TNIP3: variants seen among roughly 807,000 people sequenced by gnomAD.
TNIP3 encodes TNFAIP3 interacting protein 3.
Under a neutral mutation model 54.1 loss-of-function variants are expected in TNIP3, and 34 were observed. The ratio of observed to expected loss-of-function variants is 0.63; its 90% CI spans 0.48 to 0.84. The LOEUF is 0.84. Among genes scored for constraint, TNIP3 ranks in the 40% least tolerant of loss-of-function variants. TNIP3 has a pLI of 0.00. For missense variants in TNIP3, 366 were observed against 387.6 expected (o/e 0.94, Z 0.47); for synonymous variants, 134 against 136.8 (o/e 0.98, Z 0.14).
upstream of TNIP3, chr4:121,164,451 C>T (rs1016294184): frequency 1.4e-5 from 9 of 641,760 alleles, no homozygotes; most frequent in African/African-American, 9.7e-5. Context: ...GTATGTAAAT[C>T]GTCATTCTTC....
chr4:121,154,583 G>T lies in TNIP3; in HGVS notation c.460C>A (p.His154Asn). Reference protein sequence around the residue: ...KNTLANKEKEHYECEIKRLNK... With the variant: ...KNTLANKEKENYECEIKRLNK... Reference sequence around the variant, plus strand: ...AGGCGTTTTATTTCACATTCGTAATGTTCCTTTTCCTTGTTCGCAAGAGTA... The same window carrying T: ...AGGCGTTTTATTTCACATTCGTAATTTTCCTTTTCCTTGTTCGCAAGAGTA... Residue 154 changes from histidine to asparagine, a missense_variant, in exon 5 of 11, where the codon CAT becomes AAT. By Grantham distance (68) the His-to-Asn change is moderately conservative. Coordinates refer to ENST00000057513, the MANE Select transcript of TNIP3 (RefSeq NM_024873.6). The T allele has an allele frequency of 6.2e-7, 1 of 1,613,848 alleles. No individual in the cohort carries two copies. The highest frequency in any genetic ancestry group is 8.5e-7 in the Non-Finnish European group (1 of 1,179,948).
At chr4:121,177,580 A>G (rs1253831602) in intron 3 of TNIP3, among the ~76,000 whole-genome samples, 4 of 152,214 alleles carry the variant, frequency 2.6e-5, no homozygotes, top group Non-Finnish European at 5.9e-5. Flanking sequence ...CATCCCATAA[A>G]GTCATAAAGA....
rs180727869 is a variant in TNIP3 at position 121,138,492 on chromosome 4, A to T, written c.946+132T>A. The stretch of plus-strand genomic sequence containing the variant: ...ATTTAACCCCAGGTGCATCAAATTA[A>T]AGTTATGTATGTAACACAACTTTAT... On this transcript the variant is annotated intron_variant, in intron 10 of 10. Coordinates refer to ENST00000057513, the MANE Select transcript of TNIP3 (RefSeq NM_024873.6). 6 of 800,498 alleles carry T rather than the reference A, an allele frequency of 7.5e-6. No homozygotes were observed. The Admixed American group carries it at 9.3e-5, about 12-fold the overall frequency. 49.6% of individuals were successfully genotyped at this position (800,498 alleles called of 1,614,324 possible).
upstream of TNIP3, among the ~76,000 whole-genome samples, chr4:121,220,206 TA>T (rs1726972122): frequency 6.6e-6 from 1 of 152,192 alleles, no homozygotes; most frequent in Non-Finnish European, 1.5e-5. Flanking sequence ...GACCTACAGG[TA>T]GGCAGTCAGT....
chr4:121,181,550 C>T (rs972785886), intron 3 of TNIP3, among the ~76,000 whole-genome samples: 5 of 151,948 alleles, frequency 3.3e-5, no homozygotes, highest in Admixed American at 6.6e-5. Flanking sequence ...CAACACTGTT[C>T]ATGACATGAA....
chr4:121,155,922 T>C (rs573227888), intron 4 of TNIP3, among the ~76,000 whole-genome samples: 2 of 152,332 alleles, frequency 1.3e-5, no homozygotes, highest in South Asian at 4.1e-4. Context: ...TTAAATAGAA[T>C]GAACATATAC....
intron 3 of TNIP3, among the ~76,000 whole-genome samples, chr4:121,173,797 T>A (rs1170875546): frequency 6.6e-6 from 1 of 152,068 alleles, no homozygotes; most frequent in Non-Finnish European, 1.5e-5. Context: ...CCCAGCTAAT[T>A]TTTTTGTAAT....
rs114246996 is a variant in TNIP3, at chr4:121,187,749, A to G, written c.69-4953T>C. On this transcript the variant is annotated intron_variant, in intron 2 of 12. Coordinates refer to the TNIP3 transcript ENST00000507879. Reference sequence around the variant, plus strand: ...TCTTTTATATTTTTGACCAAAGTCCATGGATGGGATTCAATCAAATTAAAT... The same window carrying G: ...TCTTTTATATTTTTGACCAAAGTCCGTGGATGGGATTCAATCAAATTAAAT... 8.1e-3 allele frequency among the ~76,000 whole-genome samples: 1,228 copies of G among 152,326 alleles called. 14 individuals are homozygous for G. Among genetic ancestry groups the G allele is most frequent in the African/African-American group, 0.029 (1,187 of 41,572 alleles).
chr4:121,137,749 G>C (rs994886011), intron 10 of TNIP3: 1 of 329,974 alleles, frequency 3.0e-6, no homozygotes, highest in Non-Finnish European at 6.0e-6. Context: ...CTTCAAACGA[G>C]ATCAAATTTC....
chr4:121,142,305 C>T (rs575335135), intron 8 of TNIP3, among the ~76,000 whole-genome samples: 4 of 152,218 alleles, frequency 2.6e-5, no homozygotes, highest in African/African-American at 9.6e-5. Context: ...GGAATTAGGA[C>T]AAATAATATT....
chr4:121,139,442 T>C (rs554400904), intron 9 of TNIP3, among the ~76,000 whole-genome samples: 1 of 152,346 alleles, frequency 6.6e-6, no homozygotes, highest in African/African-American at 2.4e-5. Context: ...ATCTCAGCTT[T>C]ACCTGCCCAC....
intron 5 of TNIP3, among the ~76,000 whole-genome samples, chr4:121,152,711 TA>T (rs942000049): frequency 5.3e-5 from 8 of 152,226 alleles, no homozygotes; most frequent in Non-Finnish European, 1.0e-4. Context: ...AAATACATGT[TA>T]AAATGATATT....
At chr4:121,203,754 ACAAG>A (rs1447256627) in intron 2 of TNIP3, among the ~76,000 whole-genome samples, 1 of 151,942 alleles carries the variant, frequency 6.6e-6, no homozygotes, top group Non-Finnish European at 1.5e-5. Flanking sequence ...ACCCATTTTA[ACAAG>A]CAAACATTAG....
chr4:121,135,313 G>C (rs916668243), intron 10 of TNIP3, among the ~76,000 whole-genome samples: 1 of 152,150 alleles, frequency 6.6e-6, no homozygotes. Flanking sequence ...TGTTAGAGGA[G>C]GATTTAGTGG....
At chr4:121,183,135 A>C (rs368124000) in intron 2 of TNIP3, among the ~76,000 whole-genome samples, 1 of 152,216 alleles carries the variant, frequency 6.6e-6, no homozygotes, top group Admixed American at 6.5e-5. Context: ...TAAAGTAGTC[A>C]CTGTCCCAGG....
At chr4:121,191,233 T>C (rs1199529142) in intron 2 of TNIP3, among the ~76,000 whole-genome samples, 1 of 152,172 alleles carries the variant, frequency 6.6e-6, no homozygotes, top group East Asian at 1.9e-4. Flanking sequence ...TGGCTCCTAA[T>C]CAACTTTATG....
chr4:121,181,588 C>T (rs373758786), intron 3 of TNIP3, among the ~76,000 whole-genome samples: 7 of 151,528 alleles, frequency 4.6e-5, no homozygotes, highest in African/African-American at 1.5e-4. Flanking sequence ...GGAGTATCCA[C>T]AGCATATTAA....
At chr4:121,222,410 T>C (rs1351533399) in intron 1 of TNIP3, among the ~76,000 whole-genome samples, 1 of 152,216 alleles carries the variant, frequency 6.6e-6, no homozygotes, top group Non-Finnish European at 1.5e-5. Flanking sequence ...AAAAGATGTG[T>C]ATTCAAATCT....
chr4:121,194,974 C>T (rs1725497489), intron 2 of TNIP3, among the ~76,000 whole-genome samples: 1 of 152,060 alleles, frequency 6.6e-6, no homozygotes, highest in East Asian at 1.9e-4. Flanking sequence ...TCGAGACCAG[C>T]CTGGTCAACA....
Sources: allele counts gnomAD v4.1 joint callset (sites outside exome capture counted in the v4.1 genomes callset), GRCh38; gene constraint gnomAD v4.1.1; transcripts MANE v1.5; gene names NCBI Gene and HGNC (gene_info 2026-07-23, HGNC 2026-07-21).